The following CNOT1 variants were observed in gnomAD, a reference collection of about 807,000 sequenced individuals.
CNOT1 encodes the protein CCR4-NOT transcription complex subunit 1.
In CNOT1, 15 loss-of-function variants were observed where a neutral mutation model predicts 273.8. The observed-to-expected ratio is 0.05, with a 90% CI of 0.04 to 0.08. The LOEUF (loss-of-function observed/expected upper bound fraction) is 0.08, where lower values mean the gene tolerates loss of function less well. Ranked by LOEUF, CNOT1 falls within the 10% of genes least tolerant of loss-of-function variation. CNOT1 has a pLI of 1.00. For missense variants in CNOT1, 1,644 were observed against 2,912.2 expected (o/e 0.56, Z 10.02); for synonymous variants, 1,022 against 1,005.5 (o/e 1.02, Z -0.31).
chr16:58,546,562 C>A (rs1416833712), intron 28 of CNOT1, 64 bp from the exon 29 acceptor site: 5 of 1,604,056 alleles, frequency 3.1e-6, no homozygotes, highest in Non-Finnish European at 4.3e-6. Context: ...TCATAATATA[C>A]TCTACTTTCA....
At chr16:58,619,293 C>T (rs1223015995) in intron 1 of CNOT1, among the ~76,000 whole-genome samples, 1 of 133,240 alleles carries the variant, frequency 7.5e-6, no homozygotes, top group East Asian at 1.9e-4. Context: ...ATTCAATTTA[C>T]GATGCTAAAG....
At chr16:58,554,666 T>C (rs2040569147) in intron 21 of CNOT1, among the ~76,000 whole-genome samples, 1 of 152,180 alleles carries the variant, frequency 6.6e-6, no homozygotes, top group Admixed American at 6.5e-5. Context: ...CTGGGCCCAG[T>C]GGCTCACACC....
At chr16:58,585,589 C>A (rs2041807355) in intron 7 of CNOT1, 83 bp from the exon 8 acceptor site, 3 of 1,504,354 alleles carry the variant, frequency 2.0e-6, no homozygotes, top group Non-Finnish European at 2.7e-6. Context: ...CCCCTCAAAC[C>A]CAATTCTCTC....
chr16:58,578,598 CAG>C, intron 13 of CNOT1, 99 bp downstream of exon 13: 2 of 1,490,346 alleles, frequency 1.3e-6, no homozygotes, highest in South Asian at 1.4e-5. Flanking sequence ...CATAATAATT[CAG>C]AGATGTAAAA....
intron 21 of CNOT1, among the ~76,000 whole-genome samples, chr16:58,554,509 C>T (rs1301454550): frequency 6.6e-6 from 1 of 152,196 alleles, no homozygotes; most frequent in African/African-American, 2.4e-5. Context: ...AGTTACACAA[C>T]TGTATAAATT....
chr16:58,610,636 G>A lies in CNOT1; in HGVS notation c.-174-11125C>T, dbSNP rs2042862692. Among the ~76,000 whole-genome samples, 8 of 152,264 alleles carry A rather than the reference G, an allele frequency of 5.3e-5. No homozygotes were observed. In the South Asian group the frequency reaches 1.4e-3, roughly 28 times the overall value. ...AGGAGGGCGGATCACAAGGTCAGGA[G>A]ATCGAAACCATCCTGGCTAACACAG... On this transcript the variant is annotated intron_variant, in intron 1 of 48. Transcript: ENST00000317147.
intron 12 of CNOT1, 49 bp from the exon 13 acceptor site, chr16:58,578,988 C>A (rs765863596): frequency 5.0e-6 from 8 of 1,589,638 alleles, no homozygotes; most frequent in Non-Finnish European, 6.9e-6. Flanking sequence ...TCCAAGTATA[C>A]AGATTAATTT....
chr16:58,620,917 T>G (rs1269341897), intron 1 of CNOT1, among the ~76,000 whole-genome samples: 1 of 152,122 alleles, frequency 6.6e-6, no homozygotes, highest in African/African-American at 2.4e-5. Flanking sequence ...ATATTATTTG[T>G]GAAATAAACC....
At chr16:58,523,260 A>C (rs1052008865) in intron 47 of CNOT1, 110 bp downstream of exon 47, 3 of 1,273,450 alleles carry the variant, frequency 2.4e-6, no homozygotes, top group Non-Finnish European at 3.2e-6. Context: ...AACAAAAAAA[A>C]AACCAACCAA....
chr16:58,574,853 A>C, intron 15 of CNOT1, 93 bp from the exon 16 acceptor site: 1 of 1,562,464 alleles, frequency 6.4e-7, no homozygotes, highest in Non-Finnish European at 8.6e-7. Flanking sequence ...CTAAAATCCA[A>C]AATAAGTAAC....
At chr16:58,606,813 GA>G (rs1005536154) in intron 1 of CNOT1, among the ~76,000 whole-genome samples, 57 of 142,914 alleles carry the variant, frequency 4.0e-4, no homozygotes, top group South Asian at 4.4e-4. Context: ...CAAAAAAAAA[GA>G]AAAAAAAAAG....
At position 58,555,919 on chromosome 16, in the gene CNOT1, C is replaced by CA. The variant is rs942258862; in HGVS notation, c.2480-12dup. 5 of 1,606,930 alleles carry CA rather than the reference C, an allele frequency of 3.1e-6. No individual in the cohort carries two copies. The African/African-American group carries it at 5.4e-5, about 17-fold the overall frequency. ...CCTGAGACAAGTCCGCTGTTGGAAA[C>CA]AAAAAAGGAATCAGTGGGCATTTAA... is the stretch of plus-strand genomic sequence containing the variant. On this transcript the variant is annotated splice_polypyrimidine_tract_variant and intron_variant, in intron 19 of 48. Coordinates refer to ENST00000317147, the MANE Select transcript of CNOT1 (RefSeq NM_016284.5).
chr16:58,620,614 AT>A (rs1269701402), intron 1 of CNOT1, among the ~76,000 whole-genome samples: 1 of 145,124 alleles, frequency 6.9e-6, no homozygotes, highest in Non-Finnish European at 1.5e-5. Flanking sequence ...GCGACACTAC[AT>A]TCCAGCCTGG....
Position 58,520,238 on chromosome 16 carries a change from G to A in CNOT1, c.*720C>T, listed in dbSNP as rs1403730574. On this transcript the variant is annotated 3_prime_UTR_variant, in exon 49 of 49. Coordinates refer to ENST00000317147, the MANE Select transcript of CNOT1 (RefSeq NM_016284.5). ...TTTTTAAGTTTCAGGAGAGGATTGGGGGGGTGAGGGTAGGGGTGGGCTTTA... is the reference window on the plus strand; with the variant it reads ...TTTTTAAGTTTCAGGAGAGGATTGGAGGGGTGAGGGTAGGGGTGGGCTTTA... 1.1e-5 allele frequency: 1 copy of A among 94,542 alleles called. No individual in the cohort carries two copies. Among genetic ancestry groups the A allele is most frequent in the Admixed American group, 1.1e-4 (1 of 8,810 alleles). 5.9% of individuals were successfully genotyped at this position (94,542 alleles called of 1,614,324 possible).
chr16:58,563,052 A>T (rs533126566), intron 16 of CNOT1, among the ~76,000 whole-genome samples: 1 of 152,338 alleles, frequency 6.6e-6, no homozygotes, highest in African/African-American at 2.4e-5. Context: ...ACTTGTGCCA[A>T]TAGCAAAATA....
intron 33 of CNOT1, 88 bp from the exon 34 acceptor site, chr16:58,541,708 C>T: frequency 7.7e-7 from 1 of 1,292,244 alleles, no homozygotes; most frequent in Non-Finnish European, 1.1e-6. Context: ...TGTGGGTAAG[C>T]TCAGGGACAC....
At chr16:58,528,415 A>G (rs902763301) in intron 44 of CNOT1, 60 bp downstream of exon 44, 19 of 1,212,872 alleles carry the variant, frequency 1.6e-5, no homozygotes, top group Middle Eastern at 1.9e-4. Context: ...CAGTCTACTT[A>G]TCAGAGAAAG....
chr16:58,619,267 ACT>A (rs2043213652), intron 1 of CNOT1, among the ~76,000 whole-genome samples: 1 of 151,684 alleles, frequency 6.6e-6, no homozygotes, highest in South Asian at 2.1e-4. Context: ...CCAAGAGAAA[ACT>A]CTCAAATCTC....
At chr16:58,612,007 C>T (rs1597598208) in intron 1 of CNOT1, among the ~76,000 whole-genome samples, 1 of 150,776 alleles carries the variant, frequency 6.6e-6, no homozygotes, top group Non-Finnish European at 1.5e-5. Context: ...CTCTGTTATC[C>T]AGGCTGGAGT....
Sources: gnomAD v4.1 joint callset for allele counts (sites outside exome capture counted in the v4.1 genomes callset) on GRCh38, gnomAD v4.1.1 for gene constraint, MANE v1.5 for transcripts, NCBI Gene and HGNC (gene_info 2026-07-23, HGNC 2026-07-21) for gene names.